Variants in KDM4B observed in about 807,000 individuals in gnomAD.
KDM4B encodes the protein lysine-specific demethylase 4B.
In KDM4B, 32 loss-of-function variants were observed where a neutral mutation model predicts 125.2. The ratio of observed to expected loss-of-function variants is 0.26; its 90% CI spans 0.19 to 0.34. The LOEUF (loss-of-function observed/expected upper bound fraction) is 0.34. Among genes scored for constraint, KDM4B ranks in the 10% least tolerant of loss-of-function variants. KDM4B has a pLI of 1.00. For missense variants in KDM4B, 1,190 were observed against 1,577.7 expected (o/e 0.75, Z 4.16); for synonymous variants, 721 against 677.9 (o/e 1.06, Z -0.99).
At chr19:5,046,337 G>A (rs571828334) in intron 5 of KDM4B, among the ~76,000 whole-genome samples, 13 of 152,248 alleles carry the variant, frequency 8.5e-5, no homozygotes, top group African/African-American at 2.2e-4. Context: ...ATGAATTTGC[G>A]CCCAGCTCAG....
chr19:5,131,342 A>T lies in KDM4B; in HGVS notation c.1582A>T (p.Met528Leu). The change falls in exon 12 of 23, where the codon ATG becomes TTG. Residue 528 changes from methionine to leucine, a missense_variant. Transcript: ENST00000159111. ...LEAKPRPIIP[M>L]LYVVPRPGKA... Reference sequence around the variant, plus strand: ...GGCCAAGCCTCGGCCCATCATCCCCATGCTGTACGTGGTGCCGCGGCCGGG... The same window carrying T: ...GGCCAAGCCTCGGCCCATCATCCCCTTGCTGTACGTGGTGCCGCGGCCGGG... 6.2e-7 allele frequency: 1 copy of T among 1,611,854 alleles called. No individual in the cohort carries two copies. Among genetic ancestry groups the T allele is most frequent in the Non-Finnish European group, 8.5e-7 (1 of 1,179,738 alleles).
At chr19:4,981,733 T>G (rs1050456712) in intron 1 of KDM4B, among the ~76,000 whole-genome samples, 2 of 152,184 alleles carry the variant, frequency 1.3e-5, no homozygotes, top group Admixed American at 1.3e-4. Context: ...CCACCTGCTC[T>G]GCAGTGCTCT....
chr19:4,983,293 A>G (rs117864137), intron 1 of KDM4B, among the ~76,000 whole-genome samples: 29,389 of 151,894 alleles, frequency 0.19, 3,618 homozygotes, highest in Middle Eastern at 0.37. Flanking sequence ...TGCTTAGTGG[A>G]CCAGGGCCCA....
chr19:5,034,195 G>A (rs1344659932), intron 3 of KDM4B, among the ~76,000 whole-genome samples: 2 of 152,228 alleles, frequency 1.3e-5, no homozygotes, highest in Non-Finnish European at 2.9e-5. Flanking sequence ...GGTGGCTGCC[G>A]TGGTCCGTGA....
In KDM4B at chr19:5,142,654, C is replaced by T. The variant is rs761531366; in HGVS notation, c.2551-1313C>T. Among the ~76,000 whole-genome samples, 2 of 152,088 alleles carry T rather than the reference C, an allele frequency of 1.3e-5. No homozygotes were observed. The highest frequency in any genetic ancestry group is 1.3e-4 in the Admixed American group (2 of 15,282). The stretch of plus-strand genomic sequence containing the variant: ...GTGTCCAGGTGGGGCCTCTCCCCCA[C>T]CCCCAGGCTCCCCAGGGAGCACAGC... On this transcript the variant is annotated intron_variant, in intron 18 of 22. Transcript: ENST00000159111. This position sits in a 1 kb window ranked among gnomAD's most constrained non-coding sequence, Gnocchi z 5.4.
At chr19:4,994,020 G>GTTTTTTTTTTTTTTTTTTTTTGTTTT (rs2035113946) in intron 1 of KDM4B, among the ~76,000 whole-genome samples, 1 of 66,708 alleles carries the variant, frequency 1.5e-5, no homozygotes, top group Non-Finnish European at 2.7e-5. Context: ...TTTTCAGCCT[G>GTTTTTTTTTTTTTTTTTTTTTGTTTT]TTTTTTTTTT....
Position 5,114,224 on chromosome 19 carries a change from A to G in KDM4B, c.1115+3406A>G, listed in dbSNP as rs1379596441. The G allele has an allele frequency of 1.6e-6, 2 of 1,289,388 alleles. No individual in the cohort carries two copies. Among genetic ancestry groups the G allele is most frequent in the African/African-American group, 1.5e-5 (1 of 65,824 alleles). 79.9% of individuals were successfully genotyped at this position (1,289,388 alleles called of 1,614,324 possible). ...GCCATGTGCACGTGCTCCAGCAGGT[A>G]CGCGCTCCCTGCAGGACATCTGTGC... On this transcript the variant is annotated intron_variant, in intron 10 of 22. Coordinates refer to ENST00000159111, the MANE Select transcript of KDM4B (RefSeq NM_015015.3). This position sits in a 1 kb window ranked among gnomAD's most constrained non-coding sequence, Gnocchi z 5.8.
intron 3 of KDM4B, among the ~76,000 whole-genome samples, chr19:5,038,222 C>A (rs2036691419): frequency 6.6e-6 from 1 of 152,228 alleles, no homozygotes. Context: ...CTGGGTGTGG[C>A]AGCCCCGGAG....
At chr19:5,050,701 C>A (rs1268613483) in intron 6 of KDM4B, among the ~76,000 whole-genome samples, 1 of 152,162 alleles carries the variant, frequency 6.6e-6, no homozygotes, top group Non-Finnish European at 1.5e-5. Context: ...GAAATCGAGA[C>A]CATCTTGGCT....
chr19:5,134,468 C>T (rs537282077), intron 14 of KDM4B, among the ~76,000 whole-genome samples: 13 of 152,194 alleles, frequency 8.5e-5, no homozygotes, highest in Non-Finnish European at 1.6e-4. Flanking sequence ...GGGCACCTGG[C>T]TAAGGTCCTG....
Position 5,081,113 on chromosome 19 carries a change from C to T in KDM4B, c.781-1254C>T, listed in dbSNP as rs1341922311. ...GTTCCTGTCTGGATCAGTGGTTACG[C>T]CCAGAACTCCGAGCAGCCTGTGATC... On this transcript the variant is annotated intron_variant, in intron 8 of 22. Coordinates refer to ENST00000159111, the MANE Select transcript of KDM4B (RefSeq NM_015015.3). This position sits in a 1 kb window ranked among gnomAD's most constrained non-coding sequence, Gnocchi z 4.2. 6.6e-6 allele frequency: 1 copy of T among 152,156 alleles called. No individual in the cohort carries two copies. The highest frequency in any genetic ancestry group is 2.4e-5 in the African/African-American group (1 of 41,408). The allele number at this position is 152,156 out of a possible 1,614,324, so 9.4% of individuals were successfully genotyped here.
At chr19:4,981,516 G>A (rs2034641870) in intron 1 of KDM4B, among the ~76,000 whole-genome samples, 1 of 152,162 alleles carries the variant, frequency 6.6e-6, no homozygotes, top group South Asian at 2.1e-4. Context: ...GTGAGCCTTA[G>A]GAGGTGGCCA....
intron 9 of KDM4B, among the ~76,000 whole-genome samples, chr19:5,088,657 C>T (rs1046883503): frequency 1.2e-5 from 1 of 84,082 alleles, no homozygotes; most frequent in African/African-American, 6.6e-5. Context: ...CAGGCCAGGC[C>T]CCCCCCCTCC....
intron 1 of KDM4B, among the ~76,000 whole-genome samples, chr19:5,001,571 T>C (rs369018651): frequency 1.3e-5 from 2 of 152,332 alleles, no homozygotes; most frequent in African/African-American, 4.8e-5. Context: ...GATTTTCACA[T>C]TGGTGGAAGG....
At chr19:5,134,134 C>T (rs113980615) in intron 14 of KDM4B, 73 bp downstream of exon 14, 2 of 1,373,128 alleles carry the variant, frequency 1.5e-6, no homozygotes, top group Non-Finnish European at 2.0e-6. Context: ...GGACCGGGCA[C>T]CCCACACGCC....
At chr19:5,019,328 G>A (rs1211146951) in intron 2 of KDM4B, among the ~76,000 whole-genome samples, 4 of 148,048 alleles carry the variant, frequency 2.7e-5, no homozygotes, top group African/African-American at 5.0e-5. Context: ...GGACGTTGGC[G>A]TGCAGGTGTT....
At position 5,120,026 on chromosome 19, in the gene KDM4B, C is replaced by T. The variant is rs1032137556; in HGVS notation, c.1315+174C>T. Among the ~76,000 whole-genome samples, 3 of 152,162 alleles carry T rather than the reference C, an allele frequency of 2.0e-5. No individual in the cohort carries two copies. The East Asian group carries it at 5.8e-4, about 29-fold the overall frequency. ...AAAATAGACATCGTAAGGTGGAGGC[C>T]GTAAGAAAAGTGCCTCCGTCCCCAG... On this transcript the variant is annotated intron_variant, in intron 11 of 22. Transcript: ENST00000159111.
Position 5,082,420 on chromosome 19 carries a change from C to A in KDM4B, c.834C>A (p.Ala278=). 1 of 1,613,726 alleles carries A rather than the reference C, an allele frequency of 6.2e-7. No individual in the cohort carries two copies. Among genetic ancestry groups the A allele is most frequent in the Non-Finnish European group, 8.5e-7 (1 of 1,179,964 alleles). The change falls in exon 9 of 23, where the codon GCC becomes GCA. Residue 278 remains alanine, a synonymous_variant. Coordinates refer to ENST00000159111, the MANE Select transcript of KDM4B (RefSeq NM_015015.3). This position sits in a 1 kb window ranked among gnomAD's most constrained non-coding sequence, Gnocchi z 5.4. The stretch of plus-strand genomic sequence containing the variant: ...TCACATTTCCCTACGGCTACCACGC[C>A]GGCTTCAATCACGGGTTCAACTGCG... ...FMITFPYGYH[A]GFNHGFNCAE... is the part of the protein sequence containing the mutation.
chr19:5,119,692 C>G lies in KDM4B; in HGVS notation c.1155C>G (p.Pro385=), dbSNP rs140216413. Residue 385 remains proline (P), a synonymous_variant, in exon 11 of 23, where the codon CCC becomes CCG. Coordinates refer to ENST00000159111, the MANE Select transcript of KDM4B (RefSeq NM_015015.3). Reference sequence around the variant, plus strand: ...GGAGCCAGCCCAAGAAGCCGAAGCCCGAAGACCCCAAGTTCCCTGGGGAGG... The same window carrying G: ...GGAGCCAGCCCAAGAAGCCGAAGCCGGAAGACCCCAAGTTCCCTGGGGAGG... ...RKRSQPKKPK[P]EDPKFPGEGT... is the part of the protein sequence containing the mutation. The G allele has an allele frequency of 5.4e-5, 84 of 1,555,994 alleles. 1 individual carries two copies. Among genetic ancestry groups the G allele is most frequent in the South Asian group, 1.8e-4 (15 of 84,504 alleles).
Sources: gnomAD v4.1 joint callset for allele counts (sites outside exome capture counted in the v4.1 genomes callset) on GRCh38, gnomAD v4.1.1 for gene constraint, Gnocchi (gnomAD v3.1) non-coding constraint, MANE v1.5 for transcripts, NCBI Gene and HGNC (gene_info 2026-07-23, HGNC 2026-07-21) for gene names.